Variants in ANKRD44 observed in about 807,000 individuals in gnomAD.
The protein encoded by ANKRD44 is ankyrin repeat domain 44.
In ANKRD44, 35 loss-of-function variants were observed where a neutral mutation model predicts 116.0. The ratio of observed to expected loss-of-function variants is 0.30; its 90% CI spans 0.23 to 0.40. The LOEUF (loss-of-function observed/expected upper bound fraction) is 0.40, where lower values mean the gene tolerates loss of function less well. Among genes scored for constraint, ANKRD44 ranks in the 10% least tolerant of loss-of-function variants. The pLI is 1.00. For missense variants in ANKRD44, 1,014 were observed against 1,242.6 expected (o/e 0.82, Z 2.77); for synonymous variants, 435 against 461.8 (o/e 0.94, Z 0.74).
chr2:197,175,887 C>T lies in ANKRD44; in HGVS notation c.111+11136G>A, dbSNP rs140261487. Among the ~76,000 whole-genome samples the T allele has an allele frequency of 1.3e-3, 197 of 152,268 alleles. 1 individual carries two copies. Among genetic ancestry groups the T allele is most frequent in the African/African-American group, 4.6e-3 (190 of 41,552 alleles). On this transcript the variant is annotated intron_variant, in intron 2 of 27. Coordinates refer to ENST00000282272, the MANE Select transcript of ANKRD44 (RefSeq NM_001195144.2). ...TACCATGGCAGAGACTGCTGTTTTA[C>T]CCCAACATCTCTCTTGCTTTCATAA...
chr2:197,056,525 G>T (rs1362190451), intron 16 of ANKRD44, among the ~76,000 whole-genome samples: 1 of 152,018 alleles, frequency 6.6e-6, no homozygotes, highest in Non-Finnish European at 1.5e-5. Context: ...ATTTGATGTT[G>T]CTGGGATGTA....
chr2:197,050,618 T>C (rs938437167), intron 16 of ANKRD44, among the ~76,000 whole-genome samples: 2 of 152,062 alleles, frequency 1.3e-5, no homozygotes, highest in Admixed American at 6.6e-5. Context: ...AGACAGGGTT[T>C]CATCATATTG....
At chr2:197,236,216 CCTCT>C (rs2081974172) in intron 1 of ANKRD44, among the ~76,000 whole-genome samples, 1 of 152,140 alleles carries the variant, frequency 6.6e-6, no homozygotes, top group Non-Finnish European at 1.5e-5. Context: ...AAGCACTTCT[CCTCT>C]CCTGCAGCCT....
intron 16 of ANKRD44, among the ~76,000 whole-genome samples, chr2:197,067,126 A>G (rs939631282): frequency 2.6e-5 from 4 of 152,154 alleles, no homozygotes; most frequent in Non-Finnish European, 5.9e-5. Flanking sequence ...CAGAAATAAT[A>G]CCACACATCT....
intron 4 of ANKRD44, 58 bp from the exon 5 acceptor site, chr2:197,126,095 G>A: frequency 1.9e-6 from 3 of 1,563,154 alleles, no homozygotes; most frequent in Non-Finnish European, 2.6e-6. Context: ...AATACTTACT[G>A]GTGTAAGATG....
intron 10 of ANKRD44, among the ~76,000 whole-genome samples, chr2:197,097,495 G>A (rs1444539631): frequency 6.9e-6 from 1 of 144,734 alleles, no homozygotes; most frequent in Admixed American, 6.9e-5. Flanking sequence ...AAACTGAGAG[G>A]CTTATTTTAA....
intron 1 of ANKRD44, among the ~76,000 whole-genome samples, chr2:197,256,567 T>A (rs993676760): frequency 6.6e-6 from 1 of 152,080 alleles, no homozygotes; most frequent in South Asian, 2.1e-4. Context: ...GGAAAAAAAA[T>A]ATGTCATGAA....
At chr2:197,264,704 A>T (rs1405038270) in intron 1 of ANKRD44, among the ~76,000 whole-genome samples, 1 of 152,128 alleles carries the variant, frequency 6.6e-6, no homozygotes, top group Non-Finnish European at 1.5e-5. Context: ...AGATGGCAGG[A>T]TGCTCCTGGG....
At chr2:197,103,370 G>A (rs548092622) in intron 9 of ANKRD44, among the ~76,000 whole-genome samples, 1 of 152,126 alleles carries the variant, frequency 6.6e-6, no homozygotes, top group African/African-American at 2.4e-5. Context: ...TTCTTTTTCA[G>A]ATATAGATAT....
chr2:197,142,912 G>T (rs2079402074), intron 3 of ANKRD44, among the ~76,000 whole-genome samples: 1 of 151,662 alleles, frequency 6.6e-6, no homozygotes, highest in South Asian at 2.1e-4. Flanking sequence ...GGCCAAGATG[G>T]GAGGATCACT....
intron 1 of ANKRD44, among the ~76,000 whole-genome samples, chr2:197,213,780 A>G (rs1407435354): frequency 6.6e-6 from 1 of 152,228 alleles, no homozygotes. Context: ...GGCAATTCTC[A>G]CACTTTTAAT....
At chr2:197,147,205 A>G in intron 2 of ANKRD44, 100 bp from the exon 3 acceptor site, 1 of 940,154 alleles carries the variant, frequency 1.1e-6, no homozygotes, top group Non-Finnish European at 1.7e-6. Flanking sequence ...TGGTTAATGC[A>G]TGTGGAAGAG....
intron 16 of ANKRD44, among the ~76,000 whole-genome samples, chr2:197,054,048 T>G (rs1339399602): frequency 6.6e-6 from 1 of 152,206 alleles, no homozygotes; most frequent in African/African-American, 2.4e-5. Context: ...AGGAGGAGAA[T>G]AGATATCAGG....
At chr2:197,027,302 C>A (rs373611001) in intron 16 of ANKRD44, among the ~76,000 whole-genome samples, 20 of 152,192 alleles carry the variant, frequency 1.3e-4, no homozygotes, top group African/African-American at 4.8e-4. Flanking sequence ...GTGGAGGTGG[C>A]CGTGAGCTGA....
At chr2:197,297,530 A>G (rs567062353) in intron 1 of ANKRD44, among the ~76,000 whole-genome samples, 1 of 152,330 alleles carries the variant, frequency 6.6e-6, no homozygotes, top group African/African-American at 2.4e-5. Context: ...CCACTTGATT[A>G]TCACAACTTC....
chr2:197,059,810 G>T (rs532665249), intron 16 of ANKRD44, among the ~76,000 whole-genome samples: 3 of 152,264 alleles, frequency 2.0e-5, no homozygotes, highest in African/African-American at 7.2e-5. Context: ...ATCATCAAAA[G>T]AAAAATAAAC....
chr2:197,310,243 G>C (rs1005148141), intron 1 of ANKRD44, among the ~76,000 whole-genome samples: 3 of 151,218 alleles, frequency 2.0e-5, no homozygotes, highest in African/African-American at 7.3e-5. Flanking sequence ...ACGCAACGCG[G>C]CGCGGTGCGA....
intron 8 of ANKRD44, among the ~76,000 whole-genome samples, chr2:197,116,171 T>C (rs940275004): frequency 6.6e-6 from 1 of 152,206 alleles, no homozygotes; most frequent in African/African-American, 2.4e-5. Flanking sequence ...GTCAGTTAAC[T>C]GGGAGCAGTA....
At chr2:197,082,153 C>T (rs1291934333) in intron 14 of ANKRD44, among the ~76,000 whole-genome samples, 1 of 152,178 alleles carries the variant, frequency 6.6e-6, no homozygotes, top group Non-Finnish European at 1.5e-5. Flanking sequence ...CTTCATCATC[C>T]AGAATTCCTT....
Sources: allele counts gnomAD v4.1 joint callset (sites outside exome capture counted in the v4.1 genomes callset), GRCh38; gene constraint gnomAD v4.1.1; transcripts MANE v1.5; gene names NCBI Gene and HGNC (gene_info 2026-07-23, HGNC 2026-07-21).